LDB2: variants seen among roughly 807,000 people sequenced by gnomAD.
LDB2 encodes LIM domain binding 2, also known as LIM domain-binding protein 2.
Under a neutral mutation model 44.3 loss-of-function variants are expected in LDB2, and 12 were observed. The observed-to-expected ratio is 0.27, with a 90% CI of 0.17 to 0.44. The LOEUF is 0.44. Ranked by LOEUF, LDB2 falls within the 20% of genes least tolerant of loss-of-function variation. The pLI, the probability that LDB2 is intolerant of heterozygous loss-of-function variation, is 1.00. For synonymous variants in LDB2, 164 were observed against 174.8 expected (o/e 0.94, Z 0.49); for missense variants, 344 against 473.5 (o/e 0.73, Z 2.54).
intron 1 of LDB2, among the ~76,000 whole-genome samples, chr4:16,883,699 T>TG (rs1290941829): frequency 1.3e-5 from 2 of 152,184 alleles, no homozygotes; most frequent in Non-Finnish European, 2.9e-5. Context: ...CACATCACCG[T>TG]GGGGTCCTCC....
intron 1 of LDB2, among the ~76,000 whole-genome samples, chr4:16,859,041 C>G (rs979513801): frequency 5.3e-5 from 8 of 152,262 alleles, no homozygotes; most frequent in Non-Finnish European, 1.0e-4. Flanking sequence ...CTTGAGATTA[C>G]TAAGTGCCAG....
In LDB2 at chr4:16,885,170, A is replaced by C. The variant is rs1038761113; in HGVS notation, c.132+13184T>G. ...TACCACTTCTAAAAAAAAAAAAAAA[A>C]AAAAAAACTTTTTTAATTAGTCAAA... On this transcript the variant is annotated intron_variant, in intron 1 of 7. Transcript: ENST00000304523. 8.3e-4 allele frequency among the ~76,000 whole-genome samples: 125 copies of C among 151,260 alleles called. No individual in the cohort carries two copies. In the East Asian group the frequency reaches 9.9e-3, roughly 12 times the overall value.
At chr4:16,886,908 C>A (rs1460069430) in intron 1 of LDB2, among the ~76,000 whole-genome samples, 5 of 151,690 alleles carry the variant, frequency 3.3e-5, no homozygotes, top group Admixed American at 3.3e-4. Flanking sequence ...TGGCGGGCAC[C>A]TGTAGTCCCA....
At chr4:16,823,602 G>C (rs1261324934) in intron 1 of LDB2, among the ~76,000 whole-genome samples, 1 of 152,172 alleles carries the variant, frequency 6.6e-6, no homozygotes. Context: ...GATGATGCCT[G>C]CACCCATAGT....
chr4:16,659,560 AG>A (rs904298339), intron 2 of LDB2, among the ~76,000 whole-genome samples: 4 of 147,614 alleles, frequency 2.7e-5, no homozygotes, highest in Non-Finnish European at 5.9e-5. Flanking sequence ...AGTAGGCAGG[AG>A]GGAGTTTTGA....
At chr4:16,592,248 T>C (rs2152434331) in intron 3 of LDB2, among the ~76,000 whole-genome samples, 1 of 152,242 alleles carries the variant, frequency 6.6e-6, no homozygotes, top group South Asian at 2.1e-4. Context: ...TAACGCAATA[T>C]TGACTGTGTA....
At position 16,585,894 on chromosome 4, in the gene LDB2, A is replaced by G. The variant is rs374712845; in HGVS notation, c.615+28T>C. The G allele has an allele frequency of 1.4e-5, 23 of 1,587,538 alleles. No individual in the cohort carries two copies. In the African/African-American group the frequency reaches 3.0e-4, roughly 20 times the overall value. On this transcript the variant is annotated intron_variant, in intron 5 of 7. Coordinates refer to ENST00000304523, the MANE Select transcript of LDB2 (RefSeq NM_001290.5). ...TCTGGAGTACTTTTCAAACTCACCA[A>G]AAAATAAAATCATTCGATTGATCTT...
intron 1 of LDB2, among the ~76,000 whole-genome samples, chr4:16,853,387 C>G (rs1788663268): frequency 6.6e-6 from 1 of 152,056 alleles, no homozygotes; most frequent in Non-Finnish European, 1.5e-5. Context: ...GAAAGGTGTT[C>G]AACATTATTA....
chr4:16,883,157 A>G (rs1720653285), intron 1 of LDB2, among the ~76,000 whole-genome samples: 1 of 152,200 alleles, frequency 6.6e-6, no homozygotes, highest in Non-Finnish European at 1.5e-5. Flanking sequence ...AAGATCCCTC[A>G]CCAAAGAAGG....
intron 2 of LDB2, among the ~76,000 whole-genome samples, chr4:16,649,012 G>A (rs1313541020): frequency 6.6e-6 from 1 of 152,154 alleles, no homozygotes; most frequent in Non-Finnish European, 1.5e-5. Flanking sequence ...GTTTAAAAAT[G>A]TATGATCCCT....
intron 1 of LDB2, among the ~76,000 whole-genome samples, chr4:16,880,672 C>T (rs1719791613): frequency 6.6e-6 from 1 of 151,972 alleles, no homozygotes; most frequent in Admixed American, 6.6e-5. Context: ...CAAAGATAAG[C>T]CAGGCGTCGG....
chr4:16,637,772 ACTT>A lies in LDB2; in HGVS notation c.236-41900_236-41898del, dbSNP rs1240495070. On this transcript the variant is annotated intron_variant, in intron 2 of 7. Coordinates refer to ENST00000304523, the MANE Select transcript of LDB2 (RefSeq NM_001290.5). ...ATTCTTTAATATCTTAATTATGAAG[ACTT>A]CTTCTTCCATTCTTCTATTAGAGTC... Among the ~76,000 whole-genome samples the A allele has an allele frequency of 5.3e-5, 8 of 152,248 alleles. No homozygotes were observed. The South Asian group carries it at 1.5e-3, about 28-fold the overall frequency.
chr4:16,723,788 C>T (rs1299292840), intron 2 of LDB2, among the ~76,000 whole-genome samples: 1 of 152,092 alleles, frequency 6.6e-6, no homozygotes, highest in Admixed American at 6.6e-5. Context: ...TTCACACTTG[C>T]TTTAGATCCC....
intron 1 of LDB2, among the ~76,000 whole-genome samples, chr4:16,791,616 A>C (rs1240540850): frequency 6.7e-6 from 1 of 149,424 alleles, no homozygotes; most frequent in Non-Finnish European, 1.5e-5. Context: ...TTTGATTTAC[A>C]AACACTGTAA....
chr4:16,753,483 C>T (rs772509369), intron 2 of LDB2, among the ~76,000 whole-genome samples: 7 of 152,084 alleles, frequency 4.6e-5, no homozygotes, highest in Non-Finnish European at 5.9e-5. Context: ...AGGTAAGGAA[C>T]GACAATGTAA....
chr4:16,727,533 C>A (rs569235747), intron 2 of LDB2, among the ~76,000 whole-genome samples: 1 of 152,288 alleles, frequency 6.6e-6, no homozygotes, highest in African/African-American at 2.4e-5. Context: ...CTCTGAACCC[C>A]TTTTTGAGGT....
At chr4:16,835,413 C>T (rs1362032910) in intron 1 of LDB2, among the ~76,000 whole-genome samples, 1 of 152,170 alleles carries the variant, frequency 6.6e-6, no homozygotes, top group Non-Finnish European at 1.5e-5. Flanking sequence ...TTTTGTGTAA[C>T]AATATTTTTG....
intron 3 of LDB2, among the ~76,000 whole-genome samples, chr4:16,591,469 A>G (rs1718936848): frequency 6.6e-6 from 1 of 152,220 alleles, no homozygotes; most frequent in African/African-American, 2.4e-5. Context: ...TACCATGTGC[A>G]AGGCAGGAAT....
chr4:16,779,717 A>C (rs928314401), intron 1 of LDB2, among the ~76,000 whole-genome samples: 2 of 152,232 alleles, frequency 1.3e-5, no homozygotes, highest in East Asian at 1.9e-4. Flanking sequence ...AGGGCAAGTT[A>C]GTTTTCCCCT....
Sources: allele counts gnomAD v4.1 joint callset (sites outside exome capture counted in the v4.1 genomes callset), GRCh38; gene constraint gnomAD v4.1.1; transcripts MANE v1.5; gene names NCBI Gene and HGNC (gene_info 2026-07-23, HGNC 2026-07-21).